The following GSAP variants were observed in gnomAD, a reference collection of about 807,000 sequenced individuals.
GSAP encodes the protein gamma-secretase-activating protein.
In GSAP, 118 loss-of-function variants were observed where a neutral mutation model predicts 131.7. That is an observed-to-expected ratio of 0.90 (90% CI 0.77 to 1.04). The LOEUF (loss-of-function observed/expected upper bound fraction) is 1.04. Among genes scored for constraint, GSAP ranks in the 50% least tolerant of loss-of-function variants. The probability of loss-of-function intolerance (pLI) is 0.00; values close to 1 mark genes in which losing one functional copy is unlikely to be tolerated. For missense variants in GSAP, 1,019 were observed against 1,013.2 expected (o/e 1.01, Z -0.08); for synonymous variants, 381 against 363.4 (o/e 1.05, Z -0.55).
At chr7:77,385,834 G>A (rs1256403783) in intron 6 of GSAP, among the ~76,000 whole-genome samples, 2 of 152,194 alleles carry the variant, frequency 1.3e-5, no homozygotes, top group African/African-American at 4.8e-5. Flanking sequence ...GCTGGTAATA[G>A]CTTGGGGGAC....
intron 14 of GSAP, among the ~76,000 whole-genome samples, 159 bp from the exon 15 acceptor site, chr7:77,355,806 T>A (rs1184606611): frequency 1.5e-5 from 2 of 129,510 alleles, no homozygotes; most frequent in Non-Finnish European, 3.4e-5. Context: ...TTTTTTTTTT[T>A]AAGACAGGGT....
chr7:77,353,444 GT>G (rs201039073), intron 17 of GSAP, 127 bp downstream of exon 17: 11,015 of 501,954 alleles, frequency 0.022, 8 homozygotes, highest in Middle Eastern at 0.025. Context: ...ATAGAGTTTT[GT>G]TTTTTTTTTT....
intron 1 of GSAP, among the ~76,000 whole-genome samples, chr7:77,410,559 T>C (rs948840041): frequency 6.6e-6 from 1 of 152,206 alleles, no homozygotes; most frequent in Non-Finnish European, 1.5e-5. Flanking sequence ...TGATAGATAC[T>C]TGCATAGGTA....
chr7:77,377,537 A>G lies in GSAP; in HGVS notation c.577-147T>C, dbSNP rs1422126556. 2.0e-5 allele frequency: 19 copies of G among 928,720 alleles called. No homozygotes were observed. The Admixed American group carries it at 5.9e-4, about 29-fold the overall frequency. The allele number at this position is 928,720 out of a possible 1,614,324, so 57.5% of individuals were successfully genotyped here. A position where few individuals can be genotyped will look rare whatever the true frequency, so the allele number is the denominator to read the frequency against. On this transcript the variant is annotated intron_variant, in intron 8 of 30. Coordinates refer to ENST00000257626, the MANE Select transcript of GSAP (RefSeq NM_017439.4). ...TCACTGTTAGAAGCTCCCCACCCCT[A>G]GTATACACAGTCTTTCCAGAAATGT... is the stretch of plus-strand genomic sequence containing the variant.
intron 12 of GSAP, among the ~76,000 whole-genome samples, chr7:77,365,877 C>A (rs184557991): frequency 1.3e-5 from 2 of 149,460 alleles, no homozygotes; most frequent in East Asian, 3.9e-4. Context: ...CTTTTCTCTG[C>A]AACCTTGCCA....
Position 77,382,658 on chromosome 7 carries a change from T to C in GSAP, c.457-15A>G. ...GGGTAGAGAAACTGTAAAAAAGAAA[T>C]TAATCATAATTGTAAGCAACTATCT... On this transcript the variant is annotated splice_polypyrimidine_tract_variant and intron_variant, in intron 6 of 30. Coordinates refer to ENST00000257626, the MANE Select transcript of GSAP (RefSeq NM_017439.4). 2 of 1,381,154 alleles carry C rather than the reference T, an allele frequency of 1.4e-6. No homozygotes were observed. Among genetic ancestry groups the C allele is most frequent in the Non-Finnish European group, 2.1e-6 (2 of 968,008 alleles). The allele number at this position is 1,381,154 out of a possible 1,614,324, so 85.6% of individuals were successfully genotyped here.
Position 77,387,033 on chromosome 7 carries a change from C to T in GSAP, c.456+327G>A, listed in dbSNP as rs115313438. ...AAGTTGATAAATTCAGGGATTAAGC[C>T]ATTTAACCATAGATACTTAATCTGT... On this transcript the variant is annotated intron_variant, in intron 6 of 30. Coordinates refer to ENST00000257626, the MANE Select transcript of GSAP (RefSeq NM_017439.4). Among the ~76,000 whole-genome samples the T allele has an allele frequency of 4.1e-3, 631 of 152,262 alleles. 3 individuals carry two copies. Among genetic ancestry groups the T allele is most frequent in the African/African-American group, 0.015 (604 of 41,542 alleles).
intron 3 of GSAP, among the ~76,000 whole-genome samples, chr7:77,401,549 CTA>C (rs982831817): frequency 6.6e-5 from 10 of 151,832 alleles, no homozygotes; most frequent in African/African-American, 2.4e-4. Context: ...ATGAAGAAAA[CTA>C]TGAAAATTTG....
chr7:77,363,997 T>C (rs1422327379), intron 12 of GSAP, among the ~76,000 whole-genome samples: 2 of 152,174 alleles, frequency 1.3e-5, no homozygotes, highest in African/African-American at 2.4e-5. Context: ...AAACTACTTG[T>C]TTATCCATTC....
At chr7:77,377,023 A>C in intron 9 of GSAP, 116 bp from the exon 10 acceptor site, 1 of 677,150 alleles carries the variant, frequency 1.5e-6, no homozygotes, top group Non-Finnish European at 2.5e-6. Flanking sequence ...AGTGAACTGC[A>C]GTAATAATAA....
At chr7:77,330,848 C>T (rs1322026651) in intron 19 of GSAP, 1 of 982,390 alleles carries the variant, frequency 1.0e-6, no homozygotes, top group Non-Finnish European at 1.2e-6. Flanking sequence ...TTTTTCAAAA[C>T]CTAGGAATCA....
At chr7:77,403,298 T>C (rs146839110) in intron 3 of GSAP, among the ~76,000 whole-genome samples, 8 of 152,254 alleles carry the variant, frequency 5.3e-5, no homozygotes, top group African/African-American at 1.9e-4. Context: ...TGCTTATTTG[T>C]TGGATCAGTG....
At chr7:77,362,401 C>T (rs1353792488) in intron 13 of GSAP, among the ~76,000 whole-genome samples, 182 bp downstream of exon 13, 1 of 152,128 alleles carries the variant, frequency 6.6e-6, no homozygotes, top group Non-Finnish European at 1.5e-5. Context: ...GAGGGAGGAT[C>T]ACTTGAGACC....
intron 19 of GSAP, among the ~76,000 whole-genome samples, chr7:77,338,459 A>G (rs577358770): frequency 1.3e-5 from 2 of 152,326 alleles, no homozygotes; most frequent in Admixed American, 6.5e-5. Flanking sequence ...AGATGTTCAT[A>G]TAGGTCTTAG....
intron 24 of GSAP, among the ~76,000 whole-genome samples, chr7:77,322,548 A>G (rs991261319): frequency 5.3e-5 from 8 of 150,252 alleles, no homozygotes; most frequent in Non-Finnish European, 7.4e-5. Context: ...AATAAAGGTG[A>G]TAGGTGGATG....
At chr7:77,313,584 A>T (rs748550372) in intron 27 of GSAP, 35 bp from the exon 28 acceptor site, 1 of 1,030,822 alleles carries the variant, frequency 9.7e-7, no homozygotes, top group South Asian at 1.3e-5. Flanking sequence ...AATGAAACAA[A>T]TACCCATTTT....
intron 20 of GSAP, chr7:77,330,015 G>T: frequency 2.8e-6 from 1 of 359,646 alleles, no homozygotes; most frequent in Non-Finnish European, 5.0e-6. Context: ...TACTATGAAT[G>T]TGCTGTGTGT....
chr7:77,374,926 T>C (rs1289440233), intron 11 of GSAP, 132 bp downstream of exon 11: 1 of 513,306 alleles, frequency 1.9e-6, no homozygotes, highest in Non-Finnish European at 3.5e-6. Flanking sequence ...CTATGGAGAA[T>C]GGGAATACAA....
intron 12 of GSAP, among the ~76,000 whole-genome samples, chr7:77,369,436 T>C (rs1270632385): frequency 6.6e-6 from 1 of 152,186 alleles, no homozygotes; most frequent in Non-Finnish European, 1.5e-5. Flanking sequence ...TAACCTCTAG[T>C]TCCTTGGAAG....
Sources: allele counts gnomAD v4.1 joint callset (sites outside exome capture counted in the v4.1 genomes callset), GRCh38; gene constraint gnomAD v4.1.1; transcripts MANE v1.5; gene names NCBI Gene and HGNC (gene_info 2026-07-23, HGNC 2026-07-21).